The following MYOM2 variants were observed in gnomAD, a reference collection of about 807,000 sequenced individuals.
MYOM2 encodes the protein myomesin-2.
Under a neutral mutation model 187.6 loss-of-function variants are expected in MYOM2, and 254 were observed. The observed-to-expected ratio is 1.35, with a 90% CI of 1.22 to 1.50. The LOEUF is 1.50. MYOM2 is among the 40% of genes most tolerant of loss of function. The pLI, the probability that MYOM2 is intolerant of heterozygous loss-of-function variation, is 0.00. For missense variants in MYOM2, 2,796 were observed against 1,924.0 expected, an observed-to-expected ratio of 1.45 and a Z score of -8.48; for synonymous variants, 981 against 753.8, an observed-to-expected ratio of 1.30 and a Z score of -4.94.
chr8:2,118,095 G>A lies in MYOM2; in HGVS notation c.3453+143G>A, dbSNP rs1797308576. 4 of 625,962 alleles carry A rather than the reference G, an allele frequency of 6.4e-6. 1 individual carries two copies. Among genetic ancestry groups the A allele is most frequent in the East Asian group, 2.8e-5 (1 of 35,830 alleles). 38.8% of individuals were successfully genotyped at this position (625,962 alleles called of 1,614,324 possible). On this transcript the variant is annotated intron_variant, in intron 28 of 36. Coordinates refer to ENST00000262113, the MANE Select transcript of MYOM2 (RefSeq NM_003970.4). ...CTGTGTAGCTGCGGATGGGCGGAGTGGCTTTTGGGTCCTGTGGACTTTTTA... is the reference window on the plus strand; with the variant it reads ...CTGTGTAGCTGCGGATGGGCGGAGTAGCTTTTGGGTCCTGTGGACTTTTTA...
At chr8:2,120,589 G>C (rs1256715619) in intron 28 of MYOM2, among the ~76,000 whole-genome samples, 2 of 136,518 alleles carry the variant, frequency 1.5e-5, no homozygotes, top group African/African-American at 5.4e-5. Context: ...AAATTTGTGT[G>C]ATGAAAGGAA....
rs750576906 is a variant in MYOM2 at position 2,079,596 on chromosome 8, A to T, written c.1499A>T (p.Tyr500Phe). 8 of 1,614,032 alleles carry T rather than the reference A, an allele frequency of 5.0e-6. No homozygotes were observed. In the Admixed American group the frequency reaches 1.3e-4, roughly 27 times the overall value. Residue 500 changes from tyrosine (Y) to phenylalanine (F), a missense_variant, in exon 13 of 37, where the codon TAT (tyrosine) becomes TTT (phenylalanine). Coordinates refer to ENST00000262113, the MANE Select transcript of MYOM2 (RefSeq NM_003970.4). ...GAGGGAGAGAAGGAGATTGCCATTT[A>T]TCAGGATGACCTTGAAGGTAAGTAG... ...HLEGEKEIAI[Y>F]QDDLEGDAQV...
rs1411706883 is a variant in MYOM2 at position 2,086,213 on chromosome 8, C to T, written c.1644+823C>T. 2.2e-4 allele frequency among the ~76,000 whole-genome samples: 10 copies of T among 44,590 alleles called. 1 individual carries two copies. The highest frequency in any genetic ancestry group is 1.1e-3 in the South Asian group (1 of 922). 29.3% of individuals were successfully genotyped at this position (44,590 alleles called of 152,430 possible). The stretch of plus-strand genomic sequence containing the variant: ...CATGATCTCTGCGTGGCCCCACTGT[C>T]ATGATCTCTTTGTGGCCCCCCACTG... On this transcript the variant is annotated intron_variant, in intron 14 of 36. Transcript: ENST00000262113.
At chr8:2,065,593 A>T (rs1818993370) in intron 6 of MYOM2, among the ~76,000 whole-genome samples, 1 of 151,992 alleles carries the variant, frequency 6.6e-6, no homozygotes, top group Non-Finnish European at 1.5e-5. Context: ...CTCGGCAACT[A>T]TTTTTGCCCT....
rs924822609 is a variant in MYOM2, at chr8:2,067,369, A to G, written c.654-1909A>G. Among the ~76,000 whole-genome samples, 5 of 152,174 alleles carry G rather than the reference A, an allele frequency of 3.3e-5. No homozygotes were observed. In the South Asian group the frequency reaches 1.0e-3, roughly 32 times the overall value. ...ACGTTAAGATTCTGCTCAGGTGTCC[A>G]TGGCTTGGAAAGGAGCTACCAGAAA... On this transcript the variant is annotated intron_variant, in intron 6 of 36. Coordinates refer to ENST00000262113, the MANE Select transcript of MYOM2 (RefSeq NM_003970.4).
chr8:2,067,746 G>GT (rs3837175), intron 6 of MYOM2, among the ~76,000 whole-genome samples: 9 of 151,394 alleles, frequency 5.9e-5, no homozygotes, highest in Non-Finnish European at 8.8e-5. Flanking sequence ...CCTAAGTCAT[G>GT]TTTTTTTTTG....
intron 16 of MYOM2, 30 bp from the exon 17 acceptor site, chr8:2,093,940 A>G (rs769586080): frequency 2.5e-6 from 4 of 1,606,876 alleles, no homozygotes; most frequent in Middle Eastern, 1.8e-4. Flanking sequence ...GGAGCCTGGC[A>G]GTTCTGACCC....
intron 36 of MYOM2, among the ~76,000 whole-genome samples, chr8:2,143,852 A>T (rs1384199206): frequency 6.6e-6 from 1 of 152,188 alleles, no homozygotes; most frequent in African/African-American, 2.4e-5. Context: ...CCCTGCTTCC[A>T]GTGTGAAACA....
intron 31 of MYOM2, chr8:2,127,797 C>G (rs897361825): frequency 1.3e-5 from 2 of 158,868 alleles, no homozygotes; most frequent in African/African-American, 4.8e-5. Context: ...GACGCCATGA[C>G]GCAGCCGGAG....
At chr8:2,127,532 T>C (rs1305454147) in intron 31 of MYOM2, among the ~76,000 whole-genome samples, 2 of 152,238 alleles carry the variant, frequency 1.3e-5, no homozygotes, top group African/African-American at 2.4e-5. Context: ...TCCTTTGCAG[T>C]GGACTAGCGG....
chr8:2,137,349 A>G (rs1563082770), intron 32 of MYOM2, among the ~76,000 whole-genome samples: 1 of 151,954 alleles, frequency 6.6e-6, no homozygotes, highest in Non-Finnish European at 1.5e-5. Flanking sequence ...TGCAGGATGC[A>G]AGACACCAGG....
intron 6 of MYOM2, among the ~76,000 whole-genome samples, chr8:2,067,244 G>A (rs1261506170): frequency 1.3e-5 from 2 of 152,194 alleles, no homozygotes; most frequent in African/African-American, 4.8e-5. Flanking sequence ...AATGGATTTT[G>A]TCTCTGGAGG....
chr8:2,097,046 C>A, intron 18 of MYOM2: 1 of 839,426 alleles, frequency 1.2e-6, no homozygotes, highest in Non-Finnish European at 1.4e-6. Flanking sequence ...AGATGAATGA[C>A]CCTCATCTCA....
At chr8:2,076,824 G>A (rs1284931177) in intron 11 of MYOM2, among the ~76,000 whole-genome samples, 1 of 152,166 alleles carries the variant, frequency 6.6e-6, no homozygotes, top group Non-Finnish European at 1.5e-5. Flanking sequence ...TTACATTTAG[G>A]TCATCGTTGG....
At chr8:2,057,593 G>A (rs760715543) in intron 4 of MYOM2, 30 bp from the exon 5 acceptor site, 9 of 1,613,546 alleles carry the variant, frequency 5.6e-6, no homozygotes, top group Middle Eastern at 3.3e-4. Context: ...CGCTGCCTGG[G>A]AACCTGACCA....
chr8:2,125,604 CTTTTTTT>C (rs35137852), intron 31 of MYOM2, among the ~76,000 whole-genome samples: 228 of 89,300 alleles, frequency 2.6e-3, no homozygotes, highest in Non-Finnish European at 3.5e-3. Flanking sequence ...ATTATTTTTC[CTTTTTTT>C]TTTTTTTTTT....
intron 8 of MYOM2, among the ~76,000 whole-genome samples, chr8:2,071,129 G>A (rs976558445): frequency 2.6e-5 from 4 of 151,824 alleles, no homozygotes; most frequent in East Asian, 3.9e-4. Context: ...CACCAAACCC[G>A]GCTCGTTTTT....
chr8:2,083,054 A>T (rs1191635723), intron 13 of MYOM2, among the ~76,000 whole-genome samples: 1 of 152,244 alleles, frequency 6.6e-6, no homozygotes, highest in Non-Finnish European at 1.5e-5. Flanking sequence ...GGAGGAAACC[A>T]ATAGTATCTT....
At chr8:2,138,277 C>G (rs878996599) in intron 32 of MYOM2, among the ~76,000 whole-genome samples, 21 of 152,214 alleles carry the variant, frequency 1.4e-4, no homozygotes, top group Admixed American at 2.0e-4. Context: ...CTGCTGAGTG[C>G]TGGGGCCTGG....
Sources: allele counts gnomAD v4.1 joint callset (sites outside exome capture counted in the v4.1 genomes callset), GRCh38; gene constraint gnomAD v4.1.1; transcripts MANE v1.5; gene names NCBI Gene and HGNC (gene_info 2026-07-23, HGNC 2026-07-21).